The following ATF1 variants were observed in gnomAD, a reference collection of about 807,000 sequenced individuals.
ATF1 encodes the protein activating transcription factor 1.
In ATF1, 16 loss-of-function variants were observed where a neutral mutation model predicts 34.7. The ratio of observed to expected loss-of-function variants is 0.46; its 90% CI spans 0.31 to 0.70. The LOEUF (loss-of-function observed/expected upper bound fraction) is 0.70. ATF1 is among the 30% of genes least tolerant of loss of function. The probability of loss-of-function intolerance (pLI) is 0.05; values close to 1 mark genes in which losing one functional copy is unlikely to be tolerated. For synonymous variants in ATF1, 105 were observed against 113.1 expected, an observed-to-expected ratio of 0.93 and a Z score of 0.46; for missense variants, 255 against 321.6, an observed-to-expected ratio of 0.79 and a Z score of 1.58.
At chr12:50,798,889 A>G (rs1328887236) in intron 3 of ATF1, among the ~76,000 whole-genome samples, 2 of 152,218 alleles carry the variant, frequency 1.3e-5, no homozygotes, top group Non-Finnish European at 1.5e-5. Flanking sequence ...CTTCCCTAGC[A>G]TATGTAGACT....
chr12:50,780,503 CCTGG>C (rs1176843339), intron 2 of ATF1, among the ~76,000 whole-genome samples: 1 of 151,718 alleles, frequency 6.6e-6, no homozygotes, highest in East Asian at 1.9e-4. Context: ...TGCCACCACG[CCTGG>C]CTATTTTTTG....
intron 1 of ATF1, among the ~76,000 whole-genome samples, chr12:50,771,608 T>A (rs976142309): frequency 2.0e-5 from 3 of 152,052 alleles, no homozygotes; most frequent in African/African-American, 7.2e-5. Flanking sequence ...GGGGGAAATG[T>A]CAGAGGCGTA....
intron 1 of ATF1, among the ~76,000 whole-genome samples, chr12:50,765,850 A>C (rs1940620326): frequency 6.6e-6 from 1 of 152,184 alleles, no homozygotes. Flanking sequence ...TGGTCTAAAA[A>C]GGGGAGGCGT....
rs1129406 is a variant in ATF1 at position 50,809,588 on chromosome 12, C to T, written c.327C>T (p.Tyr109=). The T allele has an allele frequency of 0.39, 625,293 of 1,608,190 alleles. 124,850 individuals are homozygous for T. Among genetic ancestry groups the T allele is most frequent in the African/African-American group, 0.54 (40,068 of 74,676 alleles). Reference sequence around the variant, plus strand: ...TCTATCAGACTAGCAGCGGACAGTACAGTATGTATAGGAATCAGTTTCCAC... The same window carrying T: ...TCTATCAGACTAGCAGCGGACAGTATAGTATGTATAGGAATCAGTTTCCAC... The part of the protein sequence containing the change: ...TPIYQTSSGQ[Y]IAIAPNGALQ... The change falls in exon 4 of 7, where the codon TAC becomes TAT. Residue 109 remains tyrosine, a splice_region_variant and synonymous_variant. Transcript: ENST00000262053.
intron 2 of ATF1, among the ~76,000 whole-genome samples, chr12:50,795,625 C>G (rs935655174): frequency 6.6e-6 from 1 of 151,866 alleles, no homozygotes; most frequent in Admixed American, 6.6e-5. Context: ...GACATCAGAG[C>G]CTGGTCTTTT....
At chr12:50,766,118 C>T (rs1041073023) in intron 1 of ATF1, among the ~76,000 whole-genome samples, 2 of 152,176 alleles carry the variant, frequency 1.3e-5, no homozygotes, top group African/African-American at 2.4e-5. Flanking sequence ...GACTATAGTG[C>T]AGAAACCCTG....
chr12:50,780,061 A>G, intron 1 of ATF1, 79 bp from the exon 2 acceptor site: 1 of 1,062,576 alleles, frequency 9.4e-7, no homozygotes, highest in South Asian at 1.8e-5. Flanking sequence ...CTAAATGATC[A>G]ATTTTTATAT....
chr12:50,771,991 G>A (rs1380415558), intron 1 of ATF1, among the ~76,000 whole-genome samples: 1 of 152,160 alleles, frequency 6.6e-6, no homozygotes, highest in Non-Finnish European at 1.5e-5. Context: ...TGGACAACCA[G>A]CAGCCCTCGG....
intron 2 of ATF1, among the ~76,000 whole-genome samples, chr12:50,786,612 A>G (rs913191118): frequency 3.9e-5 from 6 of 152,140 alleles, no homozygotes; most frequent in African/African-American, 1.2e-4. Flanking sequence ...AGCCGCTGGG[A>G]AAAAGGAAAT....
At chr12:50,773,676 GC>G (rs1940838761) in intron 1 of ATF1, among the ~76,000 whole-genome samples, 1 of 151,446 alleles carries the variant, frequency 6.6e-6, no homozygotes, top group Non-Finnish European at 1.5e-5. Context: ...CATCGTTTCC[GC>G]CTCCTGGGTT....
At chr12:50,765,024 A>G (rs1189738114) in intron 1 of ATF1, among the ~76,000 whole-genome samples, 1 of 152,174 alleles carries the variant, frequency 6.6e-6, no homozygotes, top group Non-Finnish European at 1.5e-5. Context: ...GGCATTTCTC[A>G]CTTTGATCGA....
chr12:50,785,320 CACACACACACACACACACAG>C (rs1447140276), intron 2 of ATF1, among the ~76,000 whole-genome samples: 3 of 142,666 alleles, frequency 2.1e-5, no homozygotes, highest in Admixed American at 6.8e-5. Flanking sequence ...CACACACACA[CACACACACACACACACACAG>C]ACGTATATAT....
At chr12:50,763,639 TAAA>T (rs71086473), upstream of ATF1, 6 of 77,242 alleles carry the variant, frequency 7.8e-5, no homozygotes, top group Admixed American at 1.5e-4. Flanking sequence ...AGACTCCATC[TAAA>T]AAAAAAAAAA....
intron 1 of ATF1, among the ~76,000 whole-genome samples, chr12:50,778,740 A>G (rs1372972352): frequency 2.6e-5 from 4 of 151,978 alleles, no homozygotes; most frequent in Non-Finnish European, 4.4e-5. Context: ...GGTGCTTGCC[A>G]CCACCCCTGG....
Position 50,819,860 on chromosome 12 carries a change from C to A in ATF1, c.*81C>A. 1 of 1,196,076 alleles carries A rather than the reference C, an allele frequency of 8.4e-7. No individual in the cohort carries two copies. The highest frequency in any genetic ancestry group is 1.2e-6 in the Non-Finnish European group (1 of 857,444). 74.1% of individuals were successfully genotyped at this position (1,196,076 alleles called of 1,614,324 possible). On this transcript the variant is annotated 3_prime_UTR_variant, in exon 7 of 7. Coordinates refer to ENST00000262053, the MANE Select transcript of ATF1 (RefSeq NM_005171.5). The stretch of plus-strand genomic sequence containing the variant: ...AGTGGAGTTTTATAAATTAAAAGGT[C>A]AAAACTGAAGCTTTTTATTTAGGCT...
chr12:50,765,813 A>G (rs1176698149), intron 1 of ATF1, among the ~76,000 whole-genome samples: 3 of 152,170 alleles, frequency 2.0e-5, no homozygotes, highest in African/African-American at 7.2e-5. Flanking sequence ...TACAAATCCC[A>G]TGGCAATGTC....
chr12:50,780,664 A>G (rs1941038650), intron 2 of ATF1, among the ~76,000 whole-genome samples: 1 of 151,646 alleles, frequency 6.6e-6, no homozygotes, highest in Non-Finnish European at 1.5e-5. Flanking sequence ...AAAAAAAAAA[A>G]AAACAAAACA....
chr12:50,814,574 A>AACAC, intron 6 of ATF1, 135 bp downstream of exon 6: 1 of 994,024 alleles, frequency 1.0e-6, no homozygotes, highest in Non-Finnish European at 1.4e-6. Flanking sequence ...CACATAAATG[A>AACAC]ATGACGGTGG....
intron 2 of ATF1, among the ~76,000 whole-genome samples, chr12:50,784,645 A>T (rs962559953): frequency 5.3e-5 from 8 of 152,126 alleles, no homozygotes; most frequent in African/African-American, 1.7e-4. Flanking sequence ...GAACCTTTAG[A>T]GTGTTTTGAG....
Sources: allele counts gnomAD v4.1 joint callset (sites outside exome capture counted in the v4.1 genomes callset), GRCh38; gene constraint gnomAD v4.1.1; transcripts MANE v1.5; gene names NCBI Gene and HGNC (gene_info 2026-07-23, HGNC 2026-07-21).